The following PLA2G4E variants were observed in gnomAD, a reference collection of about 807,000 sequenced individuals.
PLA2G4E encodes the protein cytosolic phospholipase A2 epsilon.
A neutral mutation model predicts 109.1 loss-of-function variants in PLA2G4E; 84 were observed. The observed-to-expected ratio is 0.77, with a 90% CI of 0.65 to 0.92. The LOEUF (loss-of-function observed/expected upper bound fraction) is 0.92, where lower values mean the gene tolerates loss of function less well. PLA2G4E is among the 40% of genes least tolerant of loss of function. The pLI, the probability that PLA2G4E is intolerant of heterozygous loss-of-function variation, is 0.00. For missense variants in PLA2G4E, 1,057 were observed against 1,076.6 expected (o/e 0.98, Z 0.25); for synonymous variants, 469 against 436.1 (o/e 1.08, Z -0.94).
intron 1 of PLA2G4E, among the ~76,000 whole-genome samples, chr15:42,048,336 C>T (rs1407412409): frequency 6.6e-6 from 1 of 152,154 alleles, no homozygotes; most frequent in Non-Finnish European, 1.5e-5. Context: ...CAGAACATGT[C>T]CCTGTTGTTA....
At chr15:41,987,043 G>A (rs1297832348) in intron 17 of PLA2G4E, 129 bp downstream of exon 17, 2 of 934,230 alleles carry the variant, frequency 2.1e-6, no homozygotes, top group African/African-American at 1.7e-5. Flanking sequence ...ACACCATGGG[G>A]AGAGAGGTGC....
chr15:42,022,578 A>G (rs900896868), intron 1 of PLA2G4E, among the ~76,000 whole-genome samples: 1 of 152,014 alleles, frequency 6.6e-6, no homozygotes, highest in African/African-American at 2.4e-5. Flanking sequence ...GATTTTCATA[A>G]GGAATGTGCA....
chr15:42,043,402 G>C (rs1338765484), intron 1 of PLA2G4E, among the ~76,000 whole-genome samples: 1 of 151,912 alleles, frequency 6.6e-6, no homozygotes, highest in Non-Finnish European at 1.5e-5. Context: ...CAGGACCTGT[G>C]GGTGGCCATC....
intron 1 of PLA2G4E, among the ~76,000 whole-genome samples, chr15:42,030,648 C>A (rs544288449): frequency 1.3e-5 from 2 of 152,280 alleles, no homozygotes; most frequent in African/African-American, 4.8e-5. Context: ...CTGGCCATCC[C>A]CCATTAAGCT....
intron 11 of PLA2G4E, among the ~76,000 whole-genome samples, chr15:41,995,822 C>A (rs1358942182): frequency 6.6e-6 from 1 of 152,188 alleles, no homozygotes; most frequent in Admixed American, 6.5e-5. Flanking sequence ...AAACTGGGGT[C>A]CGAGGGTGGT....
intron 13 of PLA2G4E, 53 bp downstream of exon 13, chr15:41,992,684 G>T: frequency 6.5e-7 from 1 of 1,543,234 alleles, no homozygotes; most frequent in South Asian, 1.1e-5. Context: ...GGAAGAAAGA[G>T]AGCCAGGCAT....
In PLA2G4E at chr15:42,011,128, G is replaced by A. The variant is rs80118960; in HGVS notation, c.256+2557C>T. 2.5e-4 allele frequency among the ~76,000 whole-genome samples: 15 copies of A among 58,958 alleles called. No individual in the cohort carries two copies. In the East Asian group the frequency reaches 9.0e-3, roughly 35 times the overall value. The allele number at this position is 58,958 out of a possible 152,430, so 38.7% of individuals were successfully genotyped here. On this transcript the variant is annotated intron_variant, in intron 2 of 19. Coordinates refer to ENST00000399518, the Ensembl canonical transcript of PLA2G4E. ...ACATGTGCCTTCCGCCTTGTTCTTC[G>A]GGGAAATGAGGAAAACGTAAGCAAC... is the stretch of plus-strand genomic sequence containing the variant.
In PLA2G4E at chr15:41,983,689, GC is replaced by G. The variant is rs796868230; in HGVS notation, c.*64del. ...AGCTGGCTGCGTAGTAACCTGGTCA[GC>G]CCTGAGGGGTCCTGCACCTCTGATG... On this transcript the variant is annotated 3_prime_UTR_variant, in exon 20 of 20. Coordinates refer to ENST00000399518, the Ensembl canonical transcript of PLA2G4E. 9 of 1,421,566 alleles carry G rather than the reference GC, an allele frequency of 6.3e-6. No homozygotes were observed. The African/African-American group carries it at 1.1e-4, about 18-fold the overall frequency. 88.1% of individuals were successfully genotyped at this position (1,421,566 alleles called of 1,614,324 possible).
chr15:42,006,280 C>A, intron 3 of PLA2G4E, 159 bp from the exon 4 acceptor site: 1 of 858,740 alleles, frequency 1.2e-6, no homozygotes, highest in Non-Finnish European at 1.7e-6. Context: ...TGTAGGGAAA[C>A]GAATTAAGGA....
intron 1 of PLA2G4E, among the ~76,000 whole-genome samples, chr15:42,048,560 G>A (rs1040888225): frequency 3.3e-5 from 5 of 152,208 alleles, no homozygotes; most frequent in African/African-American, 9.7e-5. Flanking sequence ...GGGGCCATGG[G>A]TACAGCCTCA....
At chr15:41,989,284 G>T in intron 15 of PLA2G4E, 131 bp downstream of exon 15, 1 of 1,279,090 alleles carries the variant, frequency 7.8e-7, no homozygotes, top group South Asian at 1.5e-5. Context: ...GGTCCCCAGT[G>T]ACTTGGGACC....
At chr15:42,028,249 C>G (rs1474947305) in intron 1 of PLA2G4E, among the ~76,000 whole-genome samples, 1 of 152,184 alleles carries the variant, frequency 6.6e-6, no homozygotes, top group Non-Finnish European at 1.5e-5. Context: ...AAGAACCTTG[C>G]TCAAGGTCAC....
intron 1 of PLA2G4E, among the ~76,000 whole-genome samples, chr15:42,015,718 T>C (rs1449521954): frequency 1.3e-5 from 2 of 152,212 alleles, no homozygotes; most frequent in African/African-American, 2.4e-5. Context: ...TTTCCAGGCT[T>C]GGGGCCTCTG....
rs114569780 is a variant in PLA2G4E, at chr15:42,050,186, T to A, written c.183+335A>T. Among the ~76,000 whole-genome samples, 1,289 of 152,344 alleles carry A rather than the reference T, an allele frequency of 8.5e-3. 16 individuals are homozygous for A. The highest frequency in any genetic ancestry group is 0.029 in the African/African-American group (1,193 of 41,582). ...AAATATCTTCCATCTCAGGTGCCCA[T>A]GAAACTAGCTATGTGGCCTTGGGCA... On this transcript the variant is annotated intron_variant, in intron 1 of 19. Transcript: ENST00000399518.
chr15:42,032,184 G>A lies in PLA2G4E; in HGVS notation c.183+18337C>T, dbSNP rs944704651. On this transcript the variant is annotated intron_variant, in intron 1 of 19. Transcript: ENST00000399518. ...CAGATGCTGGTGTCATGCTTGTATC[G>A]CCTGCAGAACCTCTTTTCTTTGTAA... Among the ~76,000 whole-genome samples, 7 of 152,164 alleles carry A rather than the reference G, an allele frequency of 4.6e-5. No homozygotes were observed. In the East Asian group the frequency reaches 7.7e-4, roughly 17 times the overall value.
chr15:41,990,967 A>G (rs916500670), intron 13 of PLA2G4E, among the ~76,000 whole-genome samples: 1 of 151,502 alleles, frequency 6.6e-6, no homozygotes, highest in Non-Finnish European at 1.5e-5. Flanking sequence ...AACCCTGGTC[A>G]CCCCAGTGTG....
At position 41,999,573 on chromosome 15, in the gene PLA2G4E, A is replaced by C. The variant is rs1391314296; in HGVS notation, c.937-12T>G. On this transcript the variant is annotated splice_polypyrimidine_tract_variant and intron_variant, in intron 9 of 19. Coordinates refer to ENST00000399518, the Ensembl canonical transcript of PLA2G4E. ...TCATAACTCTCACCCTGGGGAGGGA[A>C]AGATGAAAAGCTTGTCAGAGGTGAC... The C allele has an allele frequency of 6.2e-7, 1 of 1,611,700 alleles. No individual in the cohort carries two copies. Among genetic ancestry groups the C allele is most frequent in the Non-Finnish European group, 8.5e-7 (1 of 1,178,934 alleles).
intron 1 of PLA2G4E, among the ~76,000 whole-genome samples, chr15:42,027,424 G>A (rs1019213691): frequency 3.9e-5 from 6 of 152,142 alleles, no homozygotes; most frequent in Admixed American, 1.3e-4. Context: ...TGCACCTCAG[G>A]TGAGATATTT....
chr15:42,004,090 C>A (rs991081141), intron 5 of PLA2G4E, among the ~76,000 whole-genome samples: 1 of 152,182 alleles, frequency 6.6e-6, no homozygotes, highest in African/African-American at 2.4e-5. Flanking sequence ...GCAGGTGGAT[C>A]ACCTGAGGTC....
Sources: gnomAD v4.1 joint callset for allele counts (sites outside exome capture counted in the v4.1 genomes callset) on GRCh38, gnomAD v4.1.1 for gene constraint, MANE v1.5 for transcripts, NCBI Gene and HGNC (gene_info 2026-07-23, HGNC 2026-07-21) for gene names.